Variants in DDX4 observed in about 807,000 individuals in gnomAD.
DDX4 encodes probable ATP-dependent RNA helicase DDX4.
In DDX4, 25 loss-of-function variants were observed where a neutral mutation model predicts 100.0. The observed-to-expected ratio is 0.25, with a 90% CI of 0.18 to 0.35. DDX4 has a LOEUF of 0.35. DDX4 is among the 10% of genes least tolerant of loss of function. The pLI is 1.00. For synonymous variants in DDX4, 259 were observed against 275.7 expected (o/e 0.94, Z 0.60); for missense variants, 635 against 882.4 (o/e 0.72, Z 3.55).
At chr5:55,747,792 A>G (rs542200881) in intron 3 of DDX4, among the ~76,000 whole-genome samples, 5 of 152,318 alleles carry the variant, frequency 3.3e-5, no homozygotes, top group Non-Finnish European at 4.4e-5. Flanking sequence ...TTGAGTTACT[A>G]TAACTTTACT....
intron 3 of DDX4, among the ~76,000 whole-genome samples, chr5:55,754,838 C>T (rs1410348640): frequency 6.6e-6 from 1 of 151,992 alleles, no homozygotes; most frequent in African/African-American, 2.4e-5. Flanking sequence ...TTGATTATTG[C>T]CACAATTTCA....
intron 6 of DDX4, 91 bp downstream of exon 6, chr5:55,764,155 A>G (rs1740744490): frequency 2.1e-6 from 2 of 951,262 alleles, no homozygotes; most frequent in Non-Finnish European, 3.3e-6. Context: ...GTCCGGGCCA[A>G]TTCTAACTTA....
At position 55,763,215 on chromosome 5, in the gene DDX4, G is replaced by T; in HGVS notation, c.246G>T (p.Met82Ile). The T allele has an allele frequency of 6.2e-7, 1 of 1,612,582 alleles. No homozygotes were observed. Among genetic ancestry groups the T allele is most frequent in the Non-Finnish European group, 8.5e-7 (1 of 1,178,948 alleles). The change falls in exon 5 of 22, where the codon ATG becomes ATT. Residue 82 changes from methionine (M) to isoleucine (I), a missense_variant. Around this residue, in one of 4 missense-constraint regions of DDX4, gnomAD observed 446 missense variants for 540.8 expected, o/e 0.82. Coordinates refer to ENST00000505374, the MANE Select transcript of DDX4 (RefSeq NM_024415.3). Reference protein sequence around the residue: ...ECNKRDNTSTMGGFGVGKSFG... With the variant: ...ECNKRDNTSTIGGFGVGKSFG... ...ATAAGCGAGATAATACATCCACAATGGGTGGTTTTGGAGTTGGAAAGAGTT... is the reference window on the plus strand; with the variant it reads ...ATAAGCGAGATAATACATCCACAATTGGTGGTTTTGGAGTTGGAAAGAGTT...
In DDX4 at chr5:55,763,201, A is replaced by C; in HGVS notation, c.232A>C (p.Asn78His). The change falls in exon 5 of 22, where the codon AAT (asparagine) becomes CAT (histidine). Residue 78 changes from asparagine to histidine, a missense_variant. Physicochemically the swap from Asn to His is moderately conservative, Grantham distance 68. Around this residue, in one of 4 missense-constraint regions of DDX4, gnomAD observed 446 missense variants for 540.8 expected, o/e 0.82. Transcript: ENST00000505374. ...RDAGECNKRD[N>H]TSTMGGFGVG... ...TGCTGGTGAGTGTAATAAGCGAGAT[A>C]ATACATCCACAATGGGTGGTTTTGG... is the stretch of plus-strand genomic sequence containing the variant. The C allele has an allele frequency of 6.2e-7, 1 of 1,612,500 alleles. No homozygotes were observed. The highest frequency in any genetic ancestry group is 8.5e-7 in the Non-Finnish European group (1 of 1,178,776).
chr5:55,810,976 C>T (rs927536437), intron 18 of DDX4, among the ~76,000 whole-genome samples: 1 of 151,462 alleles, frequency 6.6e-6, no homozygotes, highest in African/African-American at 2.4e-5. Context: ...AAATAGGGAA[C>T]CTTTTCTCTT....
chr5:55,816,482 C>T lies in DDX4; in HGVS notation c.2117C>T (p.Thr706Ile). 1 of 1,609,740 alleles carries T rather than the reference C, an allele frequency of 6.2e-7. No individual in the cohort carries two copies. The highest frequency in any genetic ancestry group is 8.5e-7 in the Non-Finnish European group (1 of 1,178,482). The stretch of plus-strand genomic sequence containing the variant: ...TACCAGGGCAAGAGCACTTTGAACA[C>T]AGCTGGGTTTTCTTCTTCACAAGCT... ...DTRKGKSTLN[T>I]AGFSSSQAPN... The change falls in exon 22 of 22, where the codon ACA (threonine) becomes ATA (isoleucine). Residue 706 changes from threonine to isoleucine, a missense_variant. Thr to Ile is a moderately conservative substitution (Grantham distance 89). Coordinates refer to ENST00000505374, the MANE Select transcript of DDX4 (RefSeq NM_024415.3).
rs780048192 is a variant in DDX4 at position 55,763,266 on chromosome 5, T to C, written c.283+14T>C. ...TTGGAAACAGAGGTAATTACTTGGT[T>C]ATGATATCTTACAATCAAAACTTGA... On this transcript the variant is annotated intron_variant, in intron 5 of 21. Coordinates refer to ENST00000505374, the MANE Select transcript of DDX4 (RefSeq NM_024415.3). 1 of 1,517,520 alleles carries C rather than the reference T, an allele frequency of 6.6e-7. No homozygotes were observed. 94.0% of individuals were successfully genotyped at this position (1,517,520 alleles called of 1,614,324 possible).
At chr5:55,776,269 GA>G (rs1313901366) in intron 7 of DDX4, among the ~76,000 whole-genome samples, 1 of 152,134 alleles carries the variant, frequency 6.6e-6, no homozygotes, top group African/African-American at 2.4e-5. Context: ...CTTGGAAATG[GA>G]AAACACGAGA....
intron 7 of DDX4, among the ~76,000 whole-genome samples, chr5:55,775,130 G>A (rs149420129): frequency 2.5e-3 from 375 of 152,166 alleles, no homozygotes; most frequent in Middle Eastern, 0.01. Flanking sequence ...TTGTCCTGTC[G>A]TATTTGGCTT....
intron 21 of DDX4, 112 bp from the exon 22 acceptor site, chr5:55,816,351 A>C: frequency 7.0e-7 from 1 of 1,425,492 alleles, no homozygotes; most frequent in Admixed American, 2.7e-5. Flanking sequence ...TTTGGGGAAG[A>C]CATGGTAGAT....
intron 2 of DDX4, among the ~76,000 whole-genome samples, chr5:55,743,710 G>A (rs1175941413): frequency 1.3e-5 from 2 of 152,146 alleles, no homozygotes; most frequent in African/African-American, 4.8e-5. Context: ...AATTACAGGC[G>A]TGAGCCACCG....
rs1741932817 is a variant in DDX4 at position 55,781,867 on chromosome 5, ACATGGTTTGTGTGCTTGAG to A, written c.578-64_578-46del. ...ATAACTTTGTTGAATAGAAATAACA[ACATGGTTTGTGTGCTTGAG>A]CAGCAGCTGTGTTTTATCTAAATAT... is the stretch of plus-strand genomic sequence containing the variant. On this transcript the variant is annotated intron_variant, in intron 9 of 21. Coordinates refer to ENST00000505374, the MANE Select transcript of DDX4 (RefSeq NM_024415.3). 14 of 1,561,414 alleles carry A rather than the reference ACATGGTTTGTGTGCTTGAG, an allele frequency of 9.0e-6. No individual in the cohort carries two copies. The East Asian group carries it at 2.9e-4, about 33-fold the overall frequency.
intron 17 of DDX4, among the ~76,000 whole-genome samples, chr5:55,796,606 A>ACTT (rs1742953256): frequency 6.6e-6 from 1 of 152,104 alleles, no homozygotes; most frequent in South Asian, 2.1e-4. Flanking sequence ...CTCACCTGCT[A>ACTT]CTTTCTTACC....
At chr5:55,786,135 C>G (rs1427613370) in intron 13 of DDX4, among the ~76,000 whole-genome samples, 2 of 152,082 alleles carry the variant, frequency 1.3e-5, no homozygotes. Flanking sequence ...CCTAGTGATT[C>G]AAGATGTTTT....
chr5:55,795,203 G>A (rs1221687559), intron 17 of DDX4, among the ~76,000 whole-genome samples: 2 of 152,058 alleles, frequency 1.3e-5, no homozygotes, highest in African/African-American at 4.8e-5. Context: ...GACCTCAGCT[G>A]ATCCGTCCGC....
intron 3 of DDX4, among the ~76,000 whole-genome samples, chr5:55,746,687 A>G (rs769473619): frequency 2.0e-5 from 3 of 152,158 alleles, no homozygotes; most frequent in African/African-American, 4.8e-5. Flanking sequence ...AACAATAAAA[A>G]CGTGTCAAGG....
chr5:55,775,201 T>C (rs536266014), intron 7 of DDX4, among the ~76,000 whole-genome samples: 1 of 152,246 alleles, frequency 6.6e-6, no homozygotes, highest in Non-Finnish European at 1.5e-5. Context: ...CAAAACTACA[T>C]TTCTTTTAAT....
chr5:55,765,048 T>A (rs918371445), intron 6 of DDX4, among the ~76,000 whole-genome samples: 8 of 152,210 alleles, frequency 5.3e-5, no homozygotes, highest in Admixed American at 2.6e-4. Context: ...TCCAAACTAT[T>A]GCCAGTCTCT....
chr5:55,808,711 G>A (rs558366968), intron 18 of DDX4, among the ~76,000 whole-genome samples: 1 of 152,320 alleles, frequency 6.6e-6, no homozygotes, highest in Admixed American at 6.5e-5. Context: ...GCTGTGTGAG[G>A]TGTCAGTCTG....
Sources: allele counts gnomAD v4.1 joint callset (sites outside exome capture counted in the v4.1 genomes callset), GRCh38; gene constraint gnomAD v4.1.1; regional missense constraint gnomAD v4.1.1; transcripts MANE v1.5; gene names NCBI Gene and HGNC (gene_info 2026-07-23, HGNC 2026-07-21).